The following TULP4 variants were observed in gnomAD, a reference collection of about 807,000 sequenced individuals.
The protein encoded by TULP4 is tubby-related protein 4.
Under a neutral mutation model 129.0 loss-of-function variants are expected in TULP4, and 16 were observed. That is an observed-to-expected ratio of 0.12 (90% CI 0.08 to 0.19). The LOEUF (loss-of-function observed/expected upper bound fraction) is 0.19. TULP4 is among the 10% of genes least tolerant of loss of function. TULP4 has a pLI of 1.00. For missense variants in TULP4, 1,842 were observed against 2,059.1 expected, an observed-to-expected ratio of 0.89 and a Z score of 2.04; for synonymous variants, 998 against 854.0, an observed-to-expected ratio of 1.17 and a Z score of -2.94.
At chr6:158,360,019 G>A (rs1365877195) in intron 1 of TULP4, among the ~76,000 whole-genome samples, 5 of 151,866 alleles carry the variant, frequency 3.3e-5, no homozygotes, top group African/African-American at 4.8e-5. Context: ...GCCCATCTGG[G>A]CTAAGGGTCA....
intron 1 of TULP4, among the ~76,000 whole-genome samples, chr6:158,362,030 A>C (rs1780801869): frequency 6.6e-6 from 1 of 152,172 alleles, no homozygotes; most frequent in Admixed American, 6.5e-5. Flanking sequence ...TAGTTGAAAG[A>C]CTGTTTTGCG....
intron 1 of TULP4, among the ~76,000 whole-genome samples, chr6:158,252,776 C>T (rs1583677433): frequency 6.6e-6 from 1 of 152,176 alleles, no homozygotes; most frequent in South Asian, 2.1e-4. Context: ...CCAGTTTTTT[C>T]TTTTTTTCCC....
intron 1 of TULP4, among the ~76,000 whole-genome samples, chr6:158,407,896 A>G (rs1778003806): frequency 1.3e-5 from 2 of 152,214 alleles, no homozygotes; most frequent in Admixed American, 1.3e-4. Flanking sequence ...GTTCTAAAAC[A>G]TATTGTAAAG....
rs185939753 is a variant in TULP4 at position 158,365,310 on chromosome 6, T to C, written c.253-47755T>C. 1.5e-3 allele frequency among the ~76,000 whole-genome samples: 228 copies of C among 152,186 alleles called. 2 individuals carry two copies. The highest frequency in any genetic ancestry group is 5.2e-3 in the African/African-American group (217 of 41,500). On this transcript the variant is annotated intron_variant, in intron 1 of 13. Transcript: ENST00000367097. Reference sequence around the variant, plus strand: ...TTCTCTCGTTTACTGTGCTTGGTGTTGTTTCTCCCCATCTACTGACCATAT... The same window carrying C: ...TTCTCTCGTTTACTGTGCTTGGTGTCGTTTCTCCCCATCTACTGACCATAT...
chr6:158,344,401 G>GT (rs1780255833), intron 1 of TULP4, among the ~76,000 whole-genome samples: 1 of 152,156 alleles, frequency 6.6e-6, no homozygotes, highest in Non-Finnish European at 1.5e-5. Context: ...CAGATAGTGT[G>GT]TTTTTTACAA....
At chr6:158,476,471 C>G (rs1434219699) in intron 6 of TULP4, among the ~76,000 whole-genome samples, 1 of 152,164 alleles carries the variant, frequency 6.6e-6, no homozygotes, top group Non-Finnish European at 1.5e-5. Flanking sequence ...CGCGTCTTCT[C>G]ACTCCTGCTT....
At chr6:158,418,123 G>GGC (rs1562557723) in intron 2 of TULP4, among the ~76,000 whole-genome samples, 1 of 105,968 alleles carries the variant, frequency 9.4e-6, no homozygotes, top group Non-Finnish European at 2.5e-5. Flanking sequence ...TTTTGGGAGC[G>GGC]GGGGAGACAG....
intron 5 of TULP4, among the ~76,000 whole-genome samples, chr6:158,461,080 T>C (rs1262188162): frequency 6.6e-6 from 1 of 152,206 alleles, no homozygotes; most frequent in Non-Finnish European, 1.5e-5. Flanking sequence ...ATAGAATCCA[T>C]CATCTTCAGA....
At chr6:158,400,265 G>A (rs939263123) in intron 1 of TULP4, among the ~76,000 whole-genome samples, 2 of 151,952 alleles carry the variant, frequency 1.3e-5, no homozygotes, top group African/African-American at 2.4e-5. Context: ...AGTACCTGTC[G>A]GTTAAAAAAA....
intron 2 of TULP4, among the ~76,000 whole-genome samples, chr6:158,415,867 G>A (rs1245822504): frequency 2.6e-5 from 4 of 152,108 alleles, no homozygotes; most frequent in Admixed American, 6.5e-5. Flanking sequence ...TGACTCACAC[G>A]ATCACGAGGT....
chr6:158,250,701 A>G (rs1004476950), intron 1 of TULP4, among the ~76,000 whole-genome samples: 14 of 152,198 alleles, frequency 9.2e-5, no homozygotes, highest in African/African-American at 3.1e-4. Context: ...TGATGGTCAT[A>G]TAAATGGAAT....
intron 1 of TULP4, chr6:158,242,504 C>G (rs1010530040): frequency 1.3e-6 from 1 of 789,108 alleles, no homozygotes; most frequent in Admixed American, 1.8e-5. Context: ...GTTTGTCTGT[C>G]TGCCGGTTGG....
chr6:158,350,494 G>T (rs2114797183), intron 1 of TULP4, among the ~76,000 whole-genome samples: 1 of 152,330 alleles, frequency 6.6e-6, no homozygotes, highest in African/African-American at 2.4e-5. Flanking sequence ...GGAGGCCGAG[G>T]CAGGCAGATC....
rs1257268695 is a variant in TULP4, at chr6:158,413,040, A to G, written c.253-25A>G. 1.9e-6 allele frequency: 3 copies of G among 1,595,242 alleles called. No homozygotes were observed. Among genetic ancestry groups the G allele is most frequent in the Admixed American group, 3.5e-5 (2 of 57,284 alleles). The stretch of plus-strand genomic sequence containing the variant: ...GGCCCACAGATTTATTTCCTGTGGT[A>G]AATGTCTTCTTGGTGGTTTTCTAGG... On this transcript the variant is annotated intron_variant, in intron 1 of 13. Coordinates refer to ENST00000367097, the MANE Select transcript of TULP4 (RefSeq NM_020245.5). The surrounding 1 kb of genome is among the most constrained non-coding windows in gnomAD (Gnocchi z 4.9).
chr6:158,311,792 T>A (rs1779360642), upstream of TULP4, among the ~76,000 whole-genome samples: 1 of 152,170 alleles, frequency 6.6e-6, no homozygotes, highest in Non-Finnish European at 1.5e-5. Context: ...TATGATTTCA[T>A]TCAGATGTGC....
intron 1 of TULP4, among the ~76,000 whole-genome samples, chr6:158,409,355 A>C (rs1562554276): frequency 6.6e-6 from 1 of 152,224 alleles, no homozygotes; most frequent in Non-Finnish European, 1.5e-5. Flanking sequence ...GCCTAGGTCA[A>C]AACTAACCCT....
chr6:158,425,066 A>G (rs1057093747), intron 2 of TULP4, among the ~76,000 whole-genome samples: 2 of 136,760 alleles, frequency 1.5e-5, no homozygotes, highest in African/African-American at 5.5e-5. Flanking sequence ...AGGCAGGAGA[A>G]TTGTTTGAAC....
chr6:158,352,253 G>A (rs1780542617), intron 1 of TULP4, among the ~76,000 whole-genome samples: 1 of 152,036 alleles, frequency 6.6e-6, no homozygotes. Flanking sequence ...AGAGACTTCT[G>A]GAGTCTAAAA....
At chr6:158,384,454 A>AT (rs1422361734) in intron 1 of TULP4, among the ~76,000 whole-genome samples, 2 of 151,616 alleles carry the variant, frequency 1.3e-5, no homozygotes, top group African/African-American at 4.8e-5. Context: ...CACCCGGCTA[A>AT]TTTTTTTGTA....
Sources: allele counts gnomAD v4.1 joint callset (sites outside exome capture counted in the v4.1 genomes callset), GRCh38; gene constraint gnomAD v4.1.1; non-coding constraint Gnocchi (gnomAD v3.1); transcripts MANE v1.5; gene names NCBI Gene and HGNC (gene_info 2026-07-23, HGNC 2026-07-21).